ARHGAP26: variants seen among roughly 807,000 people sequenced by gnomAD.
The protein encoded by ARHGAP26 is rho GTPase-activating protein 26.
Under a neutral mutation model 104.8 loss-of-function variants are expected in ARHGAP26, and 38 were observed. The ratio of observed to expected loss-of-function variants is 0.36; its 90% CI spans 0.28 to 0.48. ARHGAP26 has a LOEUF of 0.48. Among genes scored for constraint, ARHGAP26 ranks in the 20% least tolerant of loss-of-function variants. The pLI is 0.99. For missense variants in ARHGAP26, 704 were observed against 947.9 expected (o/e 0.74, Z 3.38); for synonymous variants, 341 against 340.0 (o/e 1.00, Z -0.03).
intron 6 of ARHGAP26, among the ~76,000 whole-genome samples, chr5:142,901,718 G>T (rs1760365760): frequency 6.6e-6 from 1 of 152,240 alleles, no homozygotes; most frequent in South Asian, 2.1e-4. Flanking sequence ...TTATTAAAAT[G>T]GGGATAACAG....
intron 6 of ARHGAP26, among the ~76,000 whole-genome samples, chr5:142,901,011 G>A (rs1330904068): frequency 2.0e-5 from 3 of 152,116 alleles, no homozygotes; most frequent in East Asian, 1.9e-4. Context: ...CTTTCTTCAG[G>A]TTGAAGTTTA....
chr5:143,175,087 C>G (rs1803285105), intron 20 of ARHGAP26, among the ~76,000 whole-genome samples: 1 of 152,158 alleles, frequency 6.6e-6, no homozygotes, highest in East Asian at 1.9e-4. Context: ...TTTCTTTTCC[C>G]CACATAAAAG....
intron 10 of ARHGAP26, among the ~76,000 whole-genome samples, chr5:142,918,190 A>G (rs945705112): frequency 6.6e-6 from 1 of 151,978 alleles, no homozygotes; most frequent in Non-Finnish European, 1.5e-5. Flanking sequence ...TCTGTCACCC[A>G]GGCTGGAGTG....
chr5:143,089,635 A>G (rs942480266), intron 17 of ARHGAP26, among the ~76,000 whole-genome samples: 2 of 152,310 alleles, frequency 1.3e-5, no homozygotes, highest in African/African-American at 4.8e-5. Context: ...TTGCTTAGCT[A>G]TTCCTTTAAC....
intron 11 of ARHGAP26, among the ~76,000 whole-genome samples, chr5:143,004,961 G>T (rs1022066252): frequency 2.0e-5 from 3 of 152,196 alleles, no homozygotes; most frequent in African/African-American, 7.2e-5. Flanking sequence ...GATTGGATAT[G>T]TGAGGTAGAA....
chr5:142,964,662 T>C (rs988449285), intron 11 of ARHGAP26, among the ~76,000 whole-genome samples: 1 of 152,106 alleles, frequency 6.6e-6, no homozygotes, highest in Non-Finnish European at 1.5e-5. Context: ...TTTTAGGCTA[T>C]CTCACCAAGT....
At chr5:142,843,498 G>T (rs139025211) in intron 1 of ARHGAP26, among the ~76,000 whole-genome samples, 1 of 152,340 alleles carries the variant, frequency 6.6e-6, no homozygotes, top group East Asian at 1.9e-4. Context: ...TGCCAGACAT[G>T]CCAGGCAAAC....
chr5:142,801,413 A>G (rs1762052731), intron 1 of ARHGAP26, among the ~76,000 whole-genome samples: 1 of 152,004 alleles, frequency 6.6e-6, no homozygotes, highest in Non-Finnish European at 1.5e-5. Flanking sequence ...GTATAGTGTC[A>G]CTGTTGTGCC....
At chr5:142,947,117 A>AAAAAAAG in intron 11 of ARHGAP26, 1 of 150,904 alleles carries the variant, frequency 6.6e-6, no homozygotes, top group African/African-American at 2.4e-5. Flanking sequence ...AAAAAAAAAA[A>AAAAAAAG]AAGAGAGAGA....
intron 17 of ARHGAP26, among the ~76,000 whole-genome samples, chr5:143,080,072 C>T (rs768435742): frequency 5.9e-5 from 9 of 152,152 alleles, no homozygotes; most frequent in Non-Finnish European, 1.0e-4. Context: ...GTAGGTGAGT[C>T]CTGGTCACTC....
chr5:142,849,269 C>T (rs1751053134), intron 1 of ARHGAP26, among the ~76,000 whole-genome samples: 1 of 152,162 alleles, frequency 6.6e-6, no homozygotes, highest in Non-Finnish European at 1.5e-5. Context: ...CTCTTGTGTT[C>T]TCACTCTTGG....
At chr5:143,099,071 G>A (rs1792845383) in intron 17 of ARHGAP26, among the ~76,000 whole-genome samples, 1 of 152,092 alleles carries the variant, frequency 6.6e-6, no homozygotes, top group African/African-American at 2.4e-5. Flanking sequence ...GTTCTGTAGG[G>A]CAATAAAACC....
intron 20 of ARHGAP26, among the ~76,000 whole-genome samples, chr5:143,190,213 T>A (rs1395076513): frequency 6.6e-6 from 1 of 152,188 alleles, no homozygotes; most frequent in Non-Finnish European, 1.5e-5. Flanking sequence ...TTATAACAGA[T>A]GGCACAAATG....
At chr5:142,858,026 A>G (rs1242246918) in intron 1 of ARHGAP26, among the ~76,000 whole-genome samples, 1 of 151,550 alleles carries the variant, frequency 6.6e-6, no homozygotes, top group Non-Finnish European at 1.5e-5. Context: ...AGAGAGGGAG[A>G]GGGAGAGAGA....
chr5:142,903,750 A>C, intron 8 of ARHGAP26, 81 bp downstream of exon 8: 3 of 1,435,608 alleles, frequency 2.1e-6, no homozygotes, highest in Admixed American at 2.3e-5. Flanking sequence ...AGCAGTGCCT[A>C]CCTTACTGTA....
At chr5:143,110,690 C>T (rs560278529) in intron 17 of ARHGAP26, among the ~76,000 whole-genome samples, 1 of 152,224 alleles carries the variant, frequency 6.6e-6, no homozygotes, top group South Asian at 2.1e-4. Context: ...AAATGCTTTG[C>T]AAATGTTAAT....
At chr5:142,841,591 C>T (rs530862575) in intron 1 of ARHGAP26, among the ~76,000 whole-genome samples, 1 of 152,262 alleles carries the variant, frequency 6.6e-6, no homozygotes, top group Non-Finnish European at 1.5e-5. Context: ...GCCTCCGAGC[C>T]CCAGGTCTGA....
chr5:143,114,253 G>A (rs555066906), intron 17 of ARHGAP26, among the ~76,000 whole-genome samples: 2 of 152,248 alleles, frequency 1.3e-5, no homozygotes, highest in East Asian at 1.9e-4. Flanking sequence ...CCTCATTCTG[G>A]TGCCACCATT....
intron 10 of ARHGAP26, among the ~76,000 whole-genome samples, chr5:142,914,434 A>T (rs1358961754): frequency 6.6e-6 from 1 of 152,254 alleles, no homozygotes; most frequent in Non-Finnish European, 1.5e-5. Flanking sequence ...AAATTACTTA[A>T]TCTTTTGGAA....
Sources: gnomAD v4.1 joint callset for allele counts (sites outside exome capture counted in the v4.1 genomes callset) on GRCh38, gnomAD v4.1.1 for gene constraint, MANE v1.5 for transcripts, NCBI Gene and HGNC (gene_info 2026-07-23, HGNC 2026-07-21) for gene names.